The following AGBL1 variants were observed in gnomAD, a reference collection of about 807,000 sequenced individuals.
AGBL1 encodes cytosolic carboxypeptidase 4.
In AGBL1, 130 loss-of-function variants were observed where a neutral mutation model predicts 118.9. That is an observed-to-expected ratio of 1.09 (90% confidence interval 0.95 to 1.26). The LOEUF (loss-of-function observed/expected upper bound fraction) is 1.26. Among genes scored for constraint, AGBL1 ranks in the 50% most tolerant of loss-of-function variants. AGBL1 has a pLI of 0.00. For missense variants in AGBL1, 1,584 were observed against 1,298.1 expected, an observed-to-expected ratio of 1.22 and a Z score of -3.38; for synonymous variants, 555 against 478.9, an observed-to-expected ratio of 1.16 and a Z score of -2.08.
intron 1 of AGBL1, among the ~76,000 whole-genome samples, chr15:86,080,810 C>T (rs1316280423): frequency 1.3e-5 from 2 of 151,966 alleles, no homozygotes; most frequent in African/African-American, 2.4e-5. Context: ...AGAACCACTA[C>T]TCTCTATGCT....
chr15:86,675,589 C>T (rs2085827999), intron 22 of AGBL1, among the ~76,000 whole-genome samples: 1 of 152,124 alleles, frequency 6.6e-6, no homozygotes, highest in African/African-American at 2.4e-5. Context: ...TCTGCCTGCC[C>T]CTGGTCCCTT....
chr15:86,372,244 G>T (rs988958327), intron 17 of AGBL1, among the ~76,000 whole-genome samples: 4 of 152,200 alleles, frequency 2.6e-5, no homozygotes, highest in South Asian at 2.1e-4. Flanking sequence ...GCACCCATTT[G>T]GTTGGCTTAG....
At chr15:86,432,787 T>A (rs1378450815) in intron 18 of AGBL1, among the ~76,000 whole-genome samples, 1 of 152,120 alleles carries the variant, frequency 6.6e-6, no homozygotes, top group East Asian at 1.9e-4. Context: ...TTTTCTTGGG[T>A]CCAGTGGTGT....
intron 22 of AGBL1, among the ~76,000 whole-genome samples, chr15:86,710,948 GA>G (rs1485368246): frequency 2.0e-5 from 3 of 152,142 alleles, no homozygotes; most frequent in Non-Finnish European, 2.9e-5. Context: ...GGGTTCTTGA[GA>G]AGAACAAATC....
intron 22 of AGBL1, among the ~76,000 whole-genome samples, chr15:86,767,218 A>G (rs1301158697): frequency 6.6e-6 from 1 of 151,946 alleles, no homozygotes; most frequent in African/African-American, 2.4e-5. Context: ...AATCTATGGA[A>G]CTAGATAGCC....
chr15:86,169,278 C>G (rs1233762265), intron 5 of AGBL1, among the ~76,000 whole-genome samples: 2 of 152,196 alleles, frequency 1.3e-5, no homozygotes, highest in African/African-American at 2.4e-5. Context: ...AGGTATTTAG[C>G]TGGATATGCA....
At chr15:86,653,232 C>T (rs1044057575) in intron 21 of AGBL1, among the ~76,000 whole-genome samples, 2 of 152,016 alleles carry the variant, frequency 1.3e-5, no homozygotes, top group Non-Finnish European at 2.9e-5. Flanking sequence ...AAATAGTTAG[C>T]CCTGGCTTGC....
At chr15:87,014,165 G>GAA (rs1434058832) in intron 24 of AGBL1, among the ~76,000 whole-genome samples, 20 of 152,252 alleles carry the variant, frequency 1.3e-4, no homozygotes, top group African/African-American at 4.8e-4. Flanking sequence ...ATGTTATTTA[G>GAA]AAAGTCTTAA....
At position 86,267,068 on chromosome 15, in the gene AGBL1, A is replaced by G. The variant is rs2079086580; in HGVS notation, c.1830A>G (p.Gln610=). 6.4e-7 allele frequency: 1 copy of G among 1,561,054 alleles called. No individual in the cohort carries two copies. Among genetic ancestry groups the G allele is most frequent in the Non-Finnish European group, 8.7e-7 (1 of 1,151,584 alleles). The part of the protein sequence containing the change: ...FESGNLRKAI[Q]VREFEYDLLV... ...CAGGAAATCTTCGCAAAGCCATCCA[A>G]GTGCGTGAGTAAGTAAGGAAAACCA... The change falls in exon 13 of 23, where the codon CAA becomes CAG. Residue 610 remains glutamine (Q), a synonymous_variant. Coordinates refer to ENST00000614907, the MANE Select transcript of AGBL1 (RefSeq NM_001386094.1).
intron 7 of AGBL1, among the ~76,000 whole-genome samples, chr15:86,251,222 A>G (rs950903561): frequency 2.0e-5 from 3 of 152,190 alleles, no homozygotes; most frequent in Non-Finnish European, 2.9e-5. Context: ...CGCAAAGCTC[A>G]TAAGTGTTGG....
intron 22 of AGBL1, among the ~76,000 whole-genome samples, chr15:86,711,946 C>T (rs1425621136): frequency 6.6e-6 from 1 of 152,160 alleles, no homozygotes; most frequent in Non-Finnish European, 1.5e-5. Context: ...CTTTCATTTG[C>T]TCTCTTAACA....
intron 21 of AGBL1, among the ~76,000 whole-genome samples, chr15:86,567,574 A>G (rs1016949707): frequency 7.2e-5 from 11 of 152,264 alleles, no homozygotes; most frequent in African/African-American, 2.2e-4. Flanking sequence ...AATTATGAGC[A>G]CAACTCAAAA....
At chr15:86,134,919 C>A (rs1421467950) in intron 1 of AGBL1, among the ~76,000 whole-genome samples, 1 of 128,086 alleles carries the variant, frequency 7.8e-6, no homozygotes, top group Non-Finnish European at 1.8e-5. Flanking sequence ...GCCAATGGTG[C>A]CTATTTTTTT....
At chr15:86,186,955 A>G (rs2077642467) in intron 5 of AGBL1, among the ~76,000 whole-genome samples, 4 of 152,200 alleles carry the variant, frequency 2.6e-5, no homozygotes, top group Admixed American at 2.6e-4. Flanking sequence ...CTGGTTTTTC[A>G]AGTCATCCAG....
chr15:87,031,389 G>C (rs533853642), downstream of AGBL1, among the ~76,000 whole-genome samples: 1 of 151,934 alleles, frequency 6.6e-6, no homozygotes, highest in South Asian at 2.1e-4. Flanking sequence ...TAAATATGTG[G>C]CTCCCTTATT....
chr15:86,863,050 T>C (rs1287972488), intron 22 of AGBL1, among the ~76,000 whole-genome samples: 2 of 152,160 alleles, frequency 1.3e-5, no homozygotes, highest in Non-Finnish European at 2.9e-5. Context: ...CGTGCTACCA[T>C]GCTGCAGGAG....
chr15:86,991,197 A>C (rs2081332972), intron 24 of AGBL1, among the ~76,000 whole-genome samples: 1 of 152,194 alleles, frequency 6.6e-6, no homozygotes, highest in African/African-American at 2.4e-5. Flanking sequence ...TTTCTCTGGC[A>C]AATGATACAA....
intron 21 of AGBL1, among the ~76,000 whole-genome samples, chr15:86,616,354 A>AC (rs369528867): frequency 6.9e-6 from 1 of 145,078 alleles, no homozygotes; most frequent in Non-Finnish European, 1.5e-5. Flanking sequence ...AAAAAAAAAA[A>AC]AAAAAAAAAA....
At chr15:87,009,313 G>A (rs1782288008) in intron 24 of AGBL1, among the ~76,000 whole-genome samples, 1 of 151,978 alleles carries the variant, frequency 6.6e-6, no homozygotes, top group Non-Finnish European at 1.5e-5. Flanking sequence ...GAGGGTGAAA[G>A]CCCCAAGCCT....
Sources: allele counts gnomAD v4.1 joint callset (sites outside exome capture counted in the v4.1 genomes callset), GRCh38; gene constraint gnomAD v4.1.1; transcripts MANE v1.5; gene names NCBI Gene and HGNC (gene_info 2026-07-23, HGNC 2026-07-21).